The following NUP54 variants were observed in gnomAD, a reference collection of about 807,000 sequenced individuals.
The protein encoded by NUP54 is nucleoporin 54, also known as nucleoporin p54.
Under a neutral mutation model 66.4 loss-of-function variants are expected in NUP54, and 27 were observed. The ratio of observed to expected loss-of-function variants is 0.41; its 90% CI spans 0.30 to 0.56. NUP54 has a LOEUF of 0.56. Ranked by LOEUF, NUP54 falls within the 20% of genes least tolerant of loss-of-function variation. The pLI, the probability that NUP54 is intolerant of heterozygous loss-of-function variation, is 0.34. For missense variants in NUP54, 486 were observed against 596.3 expected (o/e 0.82, Z 1.93); for synonymous variants, 206 against 210.7 (o/e 0.98, Z 0.19).
Position 76,144,254 on chromosome 4 carries a change from C to T in NUP54, c.190G>A (p.Gly64Ser). The change falls in exon 3 of 12, where the codon GGT becomes AGT. Residue 64 changes from glycine to serine, a missense_variant. Transcript: ENST00000264883. ...GGTQNKGFGF[G>S]TGFGTTTGTS... is the part of the protein sequence containing the mutation. ...CCCGTTGTTGTGCCAAAACCAGTAC[C>T]AAATCCAAAACCTTTGTTCTGAGTA... The T allele has an allele frequency of 1.2e-6, 2 of 1,613,798 alleles. No individual in the cohort carries two copies. Among genetic ancestry groups the T allele is most frequent in the South Asian group, 2.2e-5 (2 of 91,068 alleles).
At position 76,132,507 on chromosome 4, in the gene NUP54, G is replaced by A. The variant is rs776354282; in HGVS notation, c.907+16C>T. ...ATCTTTCTTTTTTTTTGAACTCTGT[G>A]ATTCTAGAAACATACCAGCAGGAGG... On this transcript the variant is annotated intron_variant, in intron 6 of 11. Transcript: ENST00000264883. The A allele has an allele frequency of 5.2e-6, 8 of 1,538,544 alleles. No individual in the cohort carries two copies. In the South Asian group the frequency reaches 7.7e-5, roughly 15 times the overall value.
At chr4:76,124,625 G>A (rs1307082459) in intron 9 of NUP54, 24 bp downstream of exon 9, 1 of 752,320 alleles carries the variant, frequency 1.3e-6, no homozygotes, top group Non-Finnish European at 2.1e-6. Flanking sequence ...TATAAACACT[G>A]GGGGGGAAAA....
At position 76,134,388 on chromosome 4, in the gene NUP54, T is replaced by C. The variant is rs751849482; in HGVS notation, c.523-26A>G. Reference sequence around the variant, plus strand: ...CTGTGGAATGACAAAATAAACAATATAAAAAATATGTACAGATCTTAAATC... The same window carrying C: ...CTGTGGAATGACAAAATAAACAATACAAAAAATATGTACAGATCTTAAATC... On this transcript the variant is annotated intron_variant, in intron 4 of 11. Coordinates refer to ENST00000264883, the MANE Select transcript of NUP54 (RefSeq NM_017426.4). 6.4e-6 allele frequency: 10 copies of C among 1,569,550 alleles called. No homozygotes were observed. In the Admixed American group the frequency reaches 8.9e-5, roughly 14 times the overall value.
chr4:76,147,706 A>G, intron 1 of NUP54: 1 of 1,172,594 alleles, frequency 8.5e-7, no homozygotes, highest in Non-Finnish European at 1.1e-6. Context: ...AAAAGAAAGC[A>G]AGATAAGGAT....
At chr4:76,147,511 G>A (rs1731554081) in intron 1 of NUP54, 1 of 1,289,500 alleles carries the variant, frequency 7.8e-7, no homozygotes, top group Non-Finnish European at 1.0e-6. Flanking sequence ...AAAATTGAAC[G>A]GAGTCGCCGA....
intron 11 of NUP54, 46 bp downstream of exon 11, chr4:76,117,618 G>T: frequency 8.8e-7 from 1 of 1,141,400 alleles, no homozygotes; most frequent in Non-Finnish European, 1.3e-6. Context: ...TAGGTGTGAA[G>T]TGGTGAGCTC....
chr4:76,127,381 G>A (rs540003385), intron 8 of NUP54, among the ~76,000 whole-genome samples: 2 of 140,348 alleles, frequency 1.4e-5, no homozygotes, highest in East Asian at 2.3e-4. Context: ...GCAGTGAGCC[G>A]AGATTGCGCC....
At chr4:76,132,834 G>T (rs2109886379) in intron 5 of NUP54, 115 bp from the exon 6 acceptor site, 48 of 672,214 alleles carry the variant, frequency 7.1e-5, no homozygotes, top group South Asian at 1.2e-4. Flanking sequence ...AGAAATGGTT[G>T]TTTTAGGAGG....
chr4:76,138,239 T>C (rs1731121353), intron 3 of NUP54, among the ~76,000 whole-genome samples: 1 of 152,208 alleles, frequency 6.6e-6, no homozygotes, highest in Non-Finnish European at 1.5e-5. Context: ...GAGCAAGAAA[T>C]TCCTGGGCTT....
intron 9 of NUP54, among the ~76,000 whole-genome samples, chr4:76,119,406 G>A (rs749822092): frequency 1.1e-4 from 16 of 151,912 alleles, no homozygotes; most frequent in Non-Finnish European, 2.2e-4. Flanking sequence ...TTTCTGAGAC[G>A]ACCTTGCTTT....
chr4:76,148,291 C>T lies in NUP54; in HGVS notation c.67+17G>A. On this transcript the variant is annotated intron_variant, in intron 1 of 11. Transcript: ENST00000264883. ...CTTCCCCTTCTTCCCGGGTGAAGGT[C>T]TAGGGGGATCACTCACCCGCGGGGG... 1 of 1,471,144 alleles carries T rather than the reference C, an allele frequency of 6.8e-7. No individual in the cohort carries two copies. The highest frequency in any genetic ancestry group is 9.0e-7 in the Non-Finnish European group (1 of 1,106,730). The allele number at this position is 1,471,144 out of a possible 1,614,324, so 91.1% of individuals were successfully genotyped here. A position where few individuals can be genotyped will look rare whatever the true frequency, so the allele number is the denominator to read the frequency against.
chr4:76,119,866 C>G (rs971405694), intron 9 of NUP54, among the ~76,000 whole-genome samples: 1 of 151,836 alleles, frequency 6.6e-6, no homozygotes, highest in African/African-American at 2.4e-5. Context: ...ACACATAGAC[C>G]GACTGCTTTT....
chr4:76,136,241 T>C lies in NUP54; in HGVS notation c.467A>G (p.Asn156Ser), dbSNP rs765912348. 6.2e-7 allele frequency: 1 copy of C among 1,614,144 alleles called. No homozygotes were observed. The highest frequency in any genetic ancestry group is 2.2e-5 in the East Asian group (1 of 44,882). ...AFWGTGKGYF[N>S]NNIPPVEFTQ... ...GAATTCCACTGGCGGAATATTATTG[T>C]TGAAATACCCTTTTCCTGTTCCCCA... The change falls in exon 4 of 12, where the codon AAC becomes AGC. Residue 156 changes from asparagine to serine, a missense_variant. Around this residue, in one of 4 missense-constraint regions of NUP54, gnomAD observed 41 missense variants for 82.7 expected, o/e 0.50. Transcript: ENST00000264883.
At chr4:76,126,686 A>G (rs556928887) in intron 8 of NUP54, among the ~76,000 whole-genome samples, 26 of 149,262 alleles carry the variant, frequency 1.7e-4, no homozygotes, top group African/African-American at 5.6e-4. Context: ...CCAAGAAAGA[A>G]CGCATGAGAT....
intron 8 of NUP54, among the ~76,000 whole-genome samples, chr4:76,129,993 TTTTTTTTTG>T (rs1231530930): frequency 5.9e-5 from 4 of 68,212 alleles, no homozygotes; most frequent in African/African-American, 2.3e-4. Flanking sequence ...TTTTTTTTTT[TTTTTTTTTG>T]AGGAGTCTCA....
intron 11 of NUP54, among the ~76,000 whole-genome samples, chr4:76,117,281 C>G (rs1460748203): frequency 5.3e-5 from 8 of 151,990 alleles, no homozygotes; most frequent in Non-Finnish European, 8.8e-5. Flanking sequence ...GAATAATATT[C>G]CATTGTGTGT....
intron 4 of NUP54, 31 bp downstream of exon 4, chr4:76,136,155 C>T: frequency 6.8e-7 from 1 of 1,469,930 alleles, no homozygotes; most frequent in Non-Finnish European, 9.5e-7. Flanking sequence ...ACAAAATCTT[C>T]AACTGAAGAT....
rs1369450588 is a variant in NUP54 at position 76,122,774 on chromosome 4, T to C, written c.1164+1875A>G. Among the ~76,000 whole-genome samples the C allele has an allele frequency of 4.6e-5, 7 of 152,286 alleles. No homozygotes were observed. In the South Asian group the frequency reaches 1.4e-3, roughly 32 times the overall value. The stretch of plus-strand genomic sequence containing the variant: ...TAAATAAATTTTAATAGCAATATTA[T>C]TCATAATAGCCAAAAAGGAGAACCA... On this transcript the variant is annotated intron_variant, in intron 9 of 11. Coordinates refer to ENST00000264883, the MANE Select transcript of NUP54 (RefSeq NM_017426.4).
chr4:76,135,100 T>G (rs550465037), intron 4 of NUP54, among the ~76,000 whole-genome samples: 58 of 152,252 alleles, frequency 3.8e-4, no homozygotes, highest in Non-Finnish European at 7.4e-4. Context: ...TATAAAGAAG[T>G]AATTTACAAA....
Sources: gnomAD v4.1 joint callset for allele counts (sites outside exome capture counted in the v4.1 genomes callset) on GRCh38, gnomAD v4.1.1 for gene constraint, gnomAD v4.1.1 regional missense constraint, MANE v1.5 for transcripts, NCBI Gene and HGNC (gene_info 2026-07-23, HGNC 2026-07-21) for gene names.